The following NALCN variants were observed in gnomAD, a reference collection of about 807,000 sequenced individuals.
NALCN encodes the protein sodium leak channel NALCN.
A neutral mutation model predicts 225.3 loss-of-function variants in NALCN; 111 were observed. The observed-to-expected ratio is 0.49, with a 90% confidence interval of 0.42 to 0.58. NALCN has a LOEUF of 0.58. NALCN is among the 20% of genes least tolerant of loss of function. The pLI is 0.00. For missense variants in NALCN, 1,378 were observed against 2,202.4 expected (o/e 0.63, Z 7.49); for synonymous variants, 764 against 769.0 (o/e 0.99, Z 0.11).
At chr13:101,075,575 A>G (rs969235089) in intron 35 of NALCN, among the ~76,000 whole-genome samples, 1 of 151,850 alleles carries the variant, frequency 6.6e-6, no homozygotes, top group Non-Finnish European at 1.5e-5. Context: ...AAGAAAGAAT[A>G]TTGGTTTTTG....
intron 13 of NALCN, among the ~76,000 whole-genome samples, chr13:101,205,570 G>A (rs910999211): frequency 1.3e-5 from 2 of 152,024 alleles, no homozygotes; most frequent in East Asian, 1.9e-4. Context: ...AACTGCAACC[G>A]TCTAGCTGAC....
intron 18 of NALCN, among the ~76,000 whole-genome samples, chr13:101,120,181 C>A (rs1352403411): frequency 6.6e-6 from 1 of 152,032 alleles, no homozygotes; most frequent in African/African-American, 2.4e-5. Context: ...TAATGTGGAT[C>A]CTGTTTCAAA....
intron 9 of NALCN, among the ~76,000 whole-genome samples, chr13:101,288,820 T>C (rs892989799): frequency 6.6e-6 from 1 of 152,238 alleles, no homozygotes; most frequent in African/African-American, 2.4e-5. Context: ...AACAGAAAAG[T>C]AGCCTTGTGT....
chr13:101,290,128 T>G (rs1348554261), intron 9 of NALCN, among the ~76,000 whole-genome samples: 1 of 152,238 alleles, frequency 6.6e-6, no homozygotes, highest in Non-Finnish European at 1.5e-5. Flanking sequence ...TCCTCTTGAT[T>G]AAGTACAATT....
intron 14 of NALCN, chr13:101,181,032 A>C: frequency 2.0e-6 from 1 of 507,872 alleles, no homozygotes; most frequent in Non-Finnish European, 4.0e-6. Context: ...ACCATTTTGA[A>C]GCATTTAGAC....
In NALCN at chr13:101,070,061, A is replaced by ATTTTTT. The variant is rs1377492353; in HGVS notation, c.4198-1235_4198-1234insAAAAAA. Among the ~76,000 whole-genome samples, 181 of 19,190 alleles carry ATTTTTT rather than the reference A, an allele frequency of 9.4e-3. 3 individuals carry two copies. Among genetic ancestry groups the ATTTTTT allele is most frequent in the African/African-American group, 0.028 (146 of 5,134 alleles). The allele number at this position is 19,190 out of a possible 152,430, so 12.6% of individuals were successfully genotyped here. A position where few individuals can be genotyped will look rare whatever the true frequency, so the allele number is the denominator to read the frequency against. On this transcript the variant is annotated intron_variant, in intron 37 of 43. Coordinates refer to ENST00000251127, the MANE Select transcript of NALCN (RefSeq NM_052867.4). ...TTTGACCTCCTTCCATGAATCATGA[A>ATTTTTT]TGTTTTTTTTTTTTTTTTTTTTTGA...
intron 17 of NALCN, among the ~76,000 whole-genome samples, chr13:101,133,691 C>T (rs906499526): frequency 2.0e-5 from 3 of 152,024 alleles, no homozygotes; most frequent in African/African-American, 7.2e-5. Context: ...TAAACTTTCT[C>T]TGGAATTGAC....
In NALCN at chr13:101,236,768, G is replaced by A. The variant is rs1388944615; in HGVS notation, c.1434+987C>T. On this transcript the variant is annotated intron_variant, in intron 12 of 43. Coordinates refer to ENST00000251127, the MANE Select transcript of NALCN (RefSeq NM_052867.4). ...ATCACACTCTGGGGCCTGTTGTGGG[G>A]TGGGGGGAGGGGGCAGGGATAGCTT... Among the ~76,000 whole-genome samples, 3 of 118,876 alleles carry A rather than the reference G, an allele frequency of 2.5e-5. No homozygotes were observed. The East Asian group carries it at 9.1e-4, about 36-fold the overall frequency. The allele number at this position is 118,876 out of a possible 152,430, so 78.0% of individuals were successfully genotyped here.
chr13:101,065,700 C>T (rs189530034), intron 39 of NALCN, 139 bp from the exon 40 acceptor site: 8 of 1,017,098 alleles, frequency 7.9e-6, no homozygotes, highest in Middle Eastern at 6.1e-4. Context: ...TGGTCACCTC[C>T]TTGGAGCCTG....
intron 7 of NALCN, among the ~76,000 whole-genome samples, chr13:101,302,431 C>A (rs1320463555): frequency 6.6e-6 from 1 of 151,802 alleles, no homozygotes; most frequent in Non-Finnish European, 1.5e-5. Context: ...AGATTAAAAT[C>A]CAATTTTAAA....
intron 6 of NALCN, among the ~76,000 whole-genome samples, chr13:101,355,641 G>A (rs372986166): frequency 1.3e-5 from 2 of 152,190 alleles, no homozygotes; most frequent in South Asian, 2.1e-4. Context: ...ACAGATTAAC[G>A]AGACAGAAAA....
intron 7 of NALCN, among the ~76,000 whole-genome samples, chr13:101,301,741 G>A (rs1566550687): frequency 1.4e-5 from 2 of 144,518 alleles, no homozygotes. Flanking sequence ...GACAAGACAA[G>A]AAAAAAAAAA....
At chr13:101,168,972 C>T (rs1272083245) in intron 15 of NALCN, among the ~76,000 whole-genome samples, 1 of 152,174 alleles carries the variant, frequency 6.6e-6, no homozygotes, top group African/African-American at 2.4e-5. Context: ...ATTAGCACTA[C>T]TCAACCTCCA....
intron 2 of NALCN, among the ~76,000 whole-genome samples, chr13:101,397,522 T>C (rs2047347221): frequency 6.6e-6 from 1 of 151,334 alleles, no homozygotes; most frequent in African/African-American, 2.4e-5. Context: ...ATATGTTATA[T>C]ACACATGATA....
intron 13 of NALCN, among the ~76,000 whole-genome samples, chr13:101,212,937 A>G (rs2040581931): frequency 6.6e-6 from 1 of 152,176 alleles, no homozygotes; most frequent in South Asian, 2.1e-4. Flanking sequence ...ACAGAATTGG[A>G]AAAAACTACT....
chr13:101,306,610 C>T (rs2044160949), intron 7 of NALCN, among the ~76,000 whole-genome samples: 1 of 152,154 alleles, frequency 6.6e-6, no homozygotes, highest in South Asian at 2.1e-4. Context: ...AGGTGGGACA[C>T]CATCGTCCTC....
At chr13:101,306,372 T>C (rs1351532191) in intron 7 of NALCN, among the ~76,000 whole-genome samples, 1 of 152,220 alleles carries the variant, frequency 6.6e-6, no homozygotes, top group Non-Finnish European at 1.5e-5. Flanking sequence ...CATGGCCTCA[T>C]GTGACCCTTC....
intron 12 of NALCN, among the ~76,000 whole-genome samples, chr13:101,233,901 A>G (rs910675414): frequency 6.6e-6 from 1 of 152,126 alleles, no homozygotes; most frequent in Non-Finnish European, 1.5e-5. Context: ...GCTGCCCTGC[A>G]TTGGTTGCAG....
intron 17 of NALCN, among the ~76,000 whole-genome samples, chr13:101,131,406 A>G (rs746570326): frequency 1.4e-4 from 22 of 152,050 alleles, no homozygotes; most frequent in Non-Finnish European, 2.2e-4. Flanking sequence ...GTTTTCCCAA[A>G]CAGTTTAGTA....
Sources: allele counts gnomAD v4.1 joint callset (sites outside exome capture counted in the v4.1 genomes callset), GRCh38; gene constraint gnomAD v4.1.1; transcripts MANE v1.5; gene names NCBI Gene and HGNC (gene_info 2026-07-23, HGNC 2026-07-21).